The following SAP30BP variants were observed in gnomAD, a reference collection of about 807,000 sequenced individuals.
SAP30BP encodes SAP30 binding protein, also known as SAP30-binding protein.
A neutral mutation model predicts 46.3 loss-of-function variants in SAP30BP; 31 were observed. The observed-to-expected ratio is 0.67, with a 90% confidence interval of 0.50 to 0.90. The LOEUF is 0.90. Ranked by LOEUF, SAP30BP falls within the 40% of genes least tolerant of loss-of-function variation. The probability of loss-of-function intolerance (pLI) is 0.00; values close to 1 mark genes in which losing one functional copy is unlikely to be tolerated. For missense variants in SAP30BP, 312 were observed against 391.0 expected, an observed-to-expected ratio of 0.80 and a Z score of 1.70; for synonymous variants, 169 against 144.2, an observed-to-expected ratio of 1.17 and a Z score of -1.23.
chr17:75,682,640 G>T (rs188012939), intron 3 of SAP30BP, among the ~76,000 whole-genome samples: 1 of 152,162 alleles, frequency 6.6e-6, no homozygotes, highest in East Asian at 1.9e-4. Context: ...TGACACAAAT[G>T]AACAGTTAAA....
chr17:75,705,167 G>A (rs947337853), intron 9 of SAP30BP: 5 of 294,668 alleles, frequency 1.7e-5, no homozygotes, highest in East Asian at 1.7e-4. Flanking sequence ...TGCGCTGCTC[G>A]GTGAGTGTCT....
chr17:75,682,668 T>TGTATGGCATATGAGGCTGGGCGCAGTGGC (rs1465139637), intron 3 of SAP30BP, among the ~76,000 whole-genome samples: 2 of 152,062 alleles, frequency 1.3e-5, no homozygotes, highest in African/African-American at 4.8e-5. Context: ...ACTGAAGAAT[T>TGTATGGCATATGAGGCTGGGCGCAGTGGC]GTATGGCATA....
At position 75,701,819 on chromosome 17, in the gene SAP30BP, C is replaced by T. The variant is rs73995982; in HGVS notation, c.397-661C>T. 4.6e-3 allele frequency among the ~76,000 whole-genome samples: 705 copies of T among 152,258 alleles called. 3 individuals carry two copies. The highest frequency in any genetic ancestry group is 0.016 in the African/African-American group (652 of 41,534). On this transcript the variant is annotated intron_variant, in intron 5 of 10. Coordinates refer to ENST00000584667, the MANE Select transcript of SAP30BP (RefSeq NM_013260.8). The stretch of plus-strand genomic sequence containing the variant: ...CAACACCAACCCCTAAACCCTACTT[C>T]GGATGATTCTGGAACTGATTAACCA...
chr17:75,677,556 C>T (rs908483931), intron 3 of SAP30BP, among the ~76,000 whole-genome samples: 2 of 151,420 alleles, frequency 1.3e-5, no homozygotes, highest in African/African-American at 2.4e-5. Flanking sequence ...CTCAGCCTCC[C>T]GAGTAGCTGG....
rs2060509782 is a variant in SAP30BP, at chr17:75,707,179, GCGT to G, written c.*660_*662del. On this transcript the variant is annotated 3_prime_UTR_variant, in exon 11 of 11. Transcript: ENST00000584667. ...CCTGACCTGTGCAGAGAGTGGGGAG[GCGT>G]CAGCGCCTGGCCAGGGCTGCCCCAG... The G allele has an allele frequency of 6.5e-6, 1 of 152,782 alleles. No individual in the cohort carries two copies. The highest frequency in any genetic ancestry group is 6.5e-5 in the Admixed American group (1 of 15,316). The allele number at this position is 152,782 out of a possible 1,614,324, so 9.5% of individuals were successfully genotyped here.
rs553696618 is a variant in SAP30BP, at chr17:75,689,202, G to A, written c.265-4238G>A. The stretch of plus-strand genomic sequence containing the variant: ...CAATCTTGCTCTTTCAGGCTGGAGT[G>A]CAGTGGCGCAATCTCGGCTCACTGC... On this transcript the variant is annotated intron_variant, in intron 3 of 10. Coordinates refer to ENST00000584667, the MANE Select transcript of SAP30BP (RefSeq NM_013260.8). 4.1e-5 allele frequency among the ~76,000 whole-genome samples: 6 copies of A among 146,946 alleles called. No homozygotes were observed. The East Asian group carries it at 6.0e-4, about 15-fold the overall frequency.
chr17:75,682,903 C>T (rs1177549671), intron 3 of SAP30BP, among the ~76,000 whole-genome samples: 2 of 135,960 alleles, frequency 1.5e-5, no homozygotes, highest in Non-Finnish European at 3.1e-5. Flanking sequence ...TCGGAGGTTG[C>T]GGTGAGCTGA....
In SAP30BP at chr17:75,703,713, G is replaced by A. The variant is rs370268144; in HGVS notation, c.550-95G>A. 1,413 of 1,123,802 alleles carry A rather than the reference G, an allele frequency of 1.3e-3. 19 individuals carry two copies. The South Asian group carries it at 0.014, about 11-fold the overall frequency. The allele number at this position is 1,123,802 out of a possible 1,614,324, so 69.6% of individuals were successfully genotyped here. ...ATGACAGCCGAGCCCCGGGTAAGGGGACCCCAGACCAAGAAGCTCTATGGG... is the reference window on the plus strand; with the variant it reads ...ATGACAGCCGAGCCCCGGGTAAGGGAACCCCAGACCAAGAAGCTCTATGGG... On this transcript the variant is annotated intron_variant, in intron 7 of 10. Transcript: ENST00000584667.
At position 75,674,709 on chromosome 17, in the gene SAP30BP, T is replaced by TG. The variant is rs1555718085; in HGVS notation, c.264+2846_264+2847insG. On this transcript the variant is annotated intron_variant, in intron 3 of 10. Coordinates refer to ENST00000584667, the MANE Select transcript of SAP30BP (RefSeq NM_013260.8). ...TTGTTTGTTTTTTGTTTTTTTTTTT[T>TG]TTTTTTTTTTTTTTTTGAGGTGGAG... 2.8e-3 allele frequency among the ~76,000 whole-genome samples: 338 copies of TG among 122,766 alleles called. 5 individuals carry two copies. Among genetic ancestry groups the TG allele is most frequent in the African/African-American group, 7.8e-3 (250 of 31,898 alleles). The allele number at this position is 122,766 out of a possible 152,430, so 80.5% of individuals were successfully genotyped here. A position where few individuals can be genotyped will look rare whatever the true frequency, so the allele number is the denominator to read the frequency against.
At chr17:75,694,729 C>G (rs1400701250) in intron 4 of SAP30BP, among the ~76,000 whole-genome samples, 1 of 152,224 alleles carries the variant, frequency 6.6e-6, no homozygotes, top group East Asian at 1.9e-4. Flanking sequence ...AACTACACGG[C>G]TGGGGATCAG....
chr17:75,705,750 G>C (rs544318496), intron 9 of SAP30BP: 3 of 1,084,218 alleles, frequency 2.8e-6, no homozygotes, highest in Non-Finnish European at 1.2e-6. Flanking sequence ...GGCGGTGGGC[G>C]GGGGGTGCCG....
Position 75,699,774 on chromosome 17 carries a change from T to C in SAP30BP, c.308-9T>C, listed in dbSNP as rs2060379118. ...CCACCTACAGAATTTTTCCTTCTTC[T>C]CTCAACAGCCTCCTTTTCTGAAAGA... On this transcript the variant is annotated splice_polypyrimidine_tract_variant and intron_variant, in intron 4 of 10. Coordinates refer to ENST00000584667, the MANE Select transcript of SAP30BP (RefSeq NM_013260.8). 6.2e-7 allele frequency: 1 copy of C among 1,608,828 alleles called. No individual in the cohort carries two copies. The highest frequency in any genetic ancestry group is 8.5e-7 in the Non-Finnish European group (1 of 1,175,586).
chr17:75,689,824 G>C (rs1288247845), intron 3 of SAP30BP, among the ~76,000 whole-genome samples: 1 of 152,236 alleles, frequency 6.6e-6, no homozygotes, highest in Non-Finnish European at 1.5e-5. Flanking sequence ...GGCATAGTGA[G>C]AATCTCCCCC....
intron 2 of SAP30BP, 34 bp from the exon 3 acceptor site, chr17:75,671,782 T>TTA: frequency 1.3e-6 from 2 of 1,594,800 alleles, no homozygotes; most frequent in Non-Finnish European, 1.7e-6. Flanking sequence ...GCCCGCTCCT[T>TTA]TAAGCTTAAT....
intron 5 of SAP30BP, 81 bp from the exon 6 acceptor site, chr17:75,702,399 T>C (rs1220604134): frequency 8.1e-6 from 5 of 615,626 alleles, no homozygotes; most frequent in East Asian, 5.4e-5. Flanking sequence ...GCTGCACATG[T>C]AGCTGGTGAC....
intron 7 of SAP30BP, 76 bp downstream of exon 7, chr17:75,703,447 C>A: frequency 7.3e-7 from 1 of 1,362,260 alleles, no homozygotes; most frequent in Non-Finnish European, 1.0e-6. Context: ...ATTTGACCTG[C>A]AGCCACAGAA....
Position 75,706,470 on chromosome 17 carries a change from G to A in SAP30BP, c.876G>A (p.Lys292=). 6.2e-7 allele frequency: 1 copy of A among 1,614,178 alleles called. No homozygotes were observed. The highest frequency in any genetic ancestry group is 1.1e-5 in the South Asian group (1 of 91,082). The part of the protein sequence containing the change: ...VTVTTSASGS[K]TTVISAVGTI... ...TCACCACCAGCGCCAGCGGCTCCAA[G>A]ACCACCGTCATCTCTGCTGTGGGCA... Residue 292 remains lysine (K), a synonymous_variant, in exon 11 of 11, where the codon AAG becomes AAA. Coordinates refer to ENST00000584667, the MANE Select transcript of SAP30BP (RefSeq NM_013260.8). This position sits in a 1 kb window ranked among gnomAD's most constrained non-coding sequence, Gnocchi z 4.6.
At chr17:75,668,406 C>A in intron 1 of SAP30BP, 110 bp from the exon 2 acceptor site, 2 of 628,230 alleles carry the variant, frequency 3.2e-6, no homozygotes, top group Non-Finnish European at 5.3e-6. Context: ...CCCTTTGTAT[C>A]TTCAGAGATA....
chr17:75,677,852 G>A (rs1304860817), intron 3 of SAP30BP, among the ~76,000 whole-genome samples: 1 of 149,490 alleles, frequency 6.7e-6, no homozygotes, highest in African/African-American at 2.5e-5. Flanking sequence ...CATTGCTTGT[G>A]CAAAGGTCAA....
Sources: allele counts gnomAD v4.1 joint callset (sites outside exome capture counted in the v4.1 genomes callset), GRCh38; gene constraint gnomAD v4.1.1; non-coding constraint Gnocchi (gnomAD v3.1); transcripts MANE v1.5; gene names NCBI Gene and HGNC (gene_info 2026-07-23, HGNC 2026-07-21).